CARS2: variants seen among roughly 807,000 people sequenced by gnomAD.
CARS2 encodes probable cysteine--tRNA ligase, mitochondrial.
CARS2 carries 52 observed loss-of-function variants against 68.8 expected under a neutral mutation model. The observed-to-expected ratio is 0.76, with a 90% CI of 0.61 to 0.95. The LOEUF (loss-of-function observed/expected upper bound fraction) is 0.95, where lower values mean the gene tolerates loss of function less well. Among genes scored for constraint, CARS2 ranks in the 40% least tolerant of loss-of-function variants. The pLI, the probability that CARS2 is intolerant of heterozygous loss-of-function variation, is 0.00. For synonymous variants in CARS2, 314 were observed against 303.6 expected, an observed-to-expected ratio of 1.03 and a Z score of -0.36; for missense variants, 780 against 754.2, an observed-to-expected ratio of 1.03 and a Z score of -0.40.
Position 110,667,427 on chromosome 13 carries a change from A to C in CARS2, c.832T>G (p.Leu278Val). The change falls in exon 8 of 15, where the codon TTA (leucine) becomes GTA (valine). Residue 278 changes from leucine (L) to valine (V), a missense_variant. Physicochemically the swap from Leu to Val is conservative, Grantham distance 32 (BLOSUM62 1). Coordinates refer to ENST00000257347, the MANE Select transcript of CARS2 (RefSeq NM_024537.4). ...QLDIHSGGID[L>V]AFPHHENEIA... is the part of the protein sequence containing the mutation. Reference sequence around the variant, plus strand: ...TCGTTTTCATGATGTGGAAAAGCTAAATCTATCCCACCTGAATGGATATCC... The same window carrying C: ...TCGTTTTCATGATGTGGAAAAGCTACATCTATCCCACCTGAATGGATATCC... The C allele has an allele frequency of 6.2e-7, 1 of 1,613,748 alleles. No homozygotes were observed. The highest frequency in any genetic ancestry group is 8.5e-7 in the Non-Finnish European group (1 of 1,179,660).
intron 9 of CARS2, among the ~76,000 whole-genome samples, chr13:110,654,921 C>CAAAAAAA (rs34662096): frequency 1.2e-5 from 1 of 83,826 alleles, no homozygotes; most frequent in Middle Eastern, 5.6e-3. Context: ...AACCCTCTCT[C>CAAAAAAA]AAAAAAAAAA....
chr13:110,660,306 A>G (rs393029), intron 9 of CARS2, among the ~76,000 whole-genome samples: 42,985 of 151,994 alleles, frequency 0.28, 6,782 homozygotes, highest in African/African-American at 0.39. Flanking sequence ...GTTGGACTTA[A>G]CTTCTTTCAA....
chr13:110,712,792 G>A (rs1160277306), intron 1 of CARS2: 5 of 733,570 alleles, frequency 6.8e-6, no homozygotes, highest in African/African-American at 3.5e-5. Context: ...TAGGGAAGGC[G>A]CCCCTCGGGC....
At chr13:110,707,791 T>C (rs941444674), upstream of CARS2, 1 of 152,246 alleles carries the variant, frequency 6.6e-6, no homozygotes, top group Non-Finnish European at 1.5e-5. Context: ...TGGTGTTTTA[T>C]TAAAAAGCAA....
chr13:110,689,375 T>C (rs976397830), intron 3 of CARS2, among the ~76,000 whole-genome samples: 1 of 152,192 alleles, frequency 6.6e-6, no homozygotes, highest in South Asian at 2.1e-4. Flanking sequence ...TCTAGAATAC[T>C]GAGAAACTTT....
chr13:110,701,562 G>A lies in CARS2; in HGVS notation c.276-7C>T, dbSNP rs1594421467. ...ATCAAATCTAACATATGAGCTGAAA[G>A]AAAAAAAGTGTCAGGATGTCTTTAT... On this transcript the variant is annotated splice_polypyrimidine_tract_variant and splice_region_variant and intron_variant, in intron 2 of 14. Transcript: ENST00000257347. 3.6e-5 allele frequency: 44 copies of A among 1,231,146 alleles called. No individual in the cohort carries two copies. The highest frequency in any genetic ancestry group is 3.8e-4 in the Middle Eastern group (2 of 5,262). 76.3% of individuals were successfully genotyped at this position (1,231,146 alleles called of 1,614,324 possible).
At position 110,642,629 on chromosome 13, in the gene CARS2, T is replaced by TCCCTG. The variant is rs771396401; in HGVS notation, c.1417-113_1417-109dup. ...GCCGACACCCACCCAGCCCTGGGCT[T>TCCCTG]CCCTGATTCCCTGCAGCTGGGCCTC... On this transcript the variant is annotated intron_variant, in intron 13 of 14. Coordinates refer to ENST00000257347, the MANE Select transcript of CARS2 (RefSeq NM_024537.4). The TCCCTG allele has an allele frequency of 8.8e-6, 9 of 1,027,370 alleles. No individual in the cohort carries two copies. In the Admixed American group the frequency reaches 1.5e-4, roughly 17 times the overall value. 63.6% of individuals were successfully genotyped at this position (1,027,370 alleles called of 1,614,324 possible).
intron 11 of CARS2, chr13:110,646,753 C>T: frequency 4.2e-6 from 1 of 235,554 alleles, no homozygotes; most frequent in Non-Finnish European, 8.3e-6. Context: ...AGCCCGAGGG[C>T]CCCAGGCACA....
At chr13:110,660,522 T>A (rs430309) in intron 9 of CARS2, among the ~76,000 whole-genome samples, 87 of 152,308 alleles carry the variant, frequency 5.7e-4, no homozygotes, top group African/African-American at 2.0e-3. Flanking sequence ...CCTTGATCAA[T>A]GGGCTGCAGA....
rs1594215897 is a variant in CARS2 at position 110,645,890 on chromosome 13, CATG to C, written c.1317+74_1317+76del. The C allele has an allele frequency of 2.6e-6, 4 of 1,538,244 alleles. No individual in the cohort carries two copies. In the East Asian group the frequency reaches 9.5e-5, roughly 36 times the overall value. On this transcript the variant is annotated intron_variant, in intron 12 of 14. Transcript: ENST00000257347. The stretch of plus-strand genomic sequence containing the variant: ...ATCAGCAGAGATGCCACCCAGCCGA[CATG>C]AGAAAAACCCACCAGAGGACCCGAC...
At chr13:110,644,510 C>A in intron 12 of CARS2, 27 bp from the exon 13 acceptor site, 1 of 1,613,190 alleles carries the variant, frequency 6.2e-7, no homozygotes, top group Non-Finnish European at 8.5e-7. Context: ...CGCAGAAGCT[C>A]CTTAAAAGCA....
chr13:110,706,129 G>C (rs867031735), upstream of CARS2: 33 of 1,279,728 alleles, frequency 2.6e-5, no homozygotes, highest in Middle Eastern at 1.5e-3. Flanking sequence ...GCGGAGACGG[G>C]AGCCACGCCG....
chr13:110,705,410 G>A lies in CARS2; in HGVS notation c.275+111C>T, dbSNP rs2063911321. 1.4e-6 allele frequency: 1 copy of A among 724,770 alleles called. No individual in the cohort carries two copies. Among genetic ancestry groups the A allele is most frequent in the East Asian group, 2.7e-5 (1 of 37,708 alleles). 44.9% of individuals were successfully genotyped at this position (724,770 alleles called of 1,614,324 possible). The stretch of plus-strand genomic sequence containing the variant: ...ATTTCCCACAATGCCTGGAATGTAG[G>A]AATTATTCTGCATCCCTAAGTTGCC... On this transcript the variant is annotated intron_variant, in intron 2 of 14. Coordinates refer to ENST00000257347, the MANE Select transcript of CARS2 (RefSeq NM_024537.4). This position sits in a 1 kb window ranked among gnomAD's most constrained non-coding sequence, Gnocchi z 4.0.
chr13:110,653,176 G>T lies in CARS2; in HGVS notation c.988-2076C>A, dbSNP rs1417622233. Among the ~76,000 whole-genome samples, 2 of 121,912 alleles carry T rather than the reference G, an allele frequency of 1.6e-5. No individual in the cohort carries two copies. Among genetic ancestry groups the T allele is most frequent in the African/African-American group, 7.4e-5 (2 of 27,150 alleles). 80.0% of individuals were successfully genotyped at this position (121,912 alleles called of 152,430 possible). A position where few individuals can be genotyped will look rare whatever the true frequency, so the allele number is the denominator to read the frequency against. On this transcript the variant is annotated intron_variant, in intron 9 of 14. Coordinates refer to ENST00000257347, the MANE Select transcript of CARS2 (RefSeq NM_024537.4). The surrounding 1 kb of genome is among the most constrained non-coding windows in gnomAD (Gnocchi z 5.6). Reference sequence around the variant, plus strand: ...CTTCACCAGGCTGCCACAGGGGCCTGGGGTGGGGAGGGGGGCTGGGGTATG... The same window carrying T: ...CTTCACCAGGCTGCCACAGGGGCCTTGGGTGGGGAGGGGGGCTGGGGTATG...
At chr13:110,712,615 A>G (rs1594447761) in intron 1 of CARS2, 6 of 416,244 alleles carry the variant, frequency 1.4e-5, no homozygotes, top group South Asian at 2.3e-5. Context: ...AAAATCCGGG[A>G]GCTTTGGGAG....
chr13:110,692,896 G>T (rs1038479881), intron 3 of CARS2, among the ~76,000 whole-genome samples: 1 of 151,834 alleles, frequency 6.6e-6, no homozygotes. Flanking sequence ...CAGATCATGA[G>T]GTCAGGAGTT....
intron 13 of CARS2, 25 bp from the exon 14 acceptor site, chr13:110,642,546 G>A (rs779023166): frequency 3.1e-5 from 50 of 1,599,500 alleles, no homozygotes; most frequent in South Asian, 7.8e-5. Context: ...GCGCGGTTAC[G>A]TCCCCCGGAG....
chr13:110,673,273 A>T (rs1594316259), intron 7 of CARS2, among the ~76,000 whole-genome samples: 1 of 152,252 alleles, frequency 6.6e-6, no homozygotes, highest in Non-Finnish European at 1.5e-5. Context: ...GGAGAATTTT[A>T]GACCAATAGC....
rs79644851 is a variant in CARS2, at chr13:110,678,712, C to T, written c.656-1609G>A. On this transcript the variant is annotated intron_variant, in intron 6 of 14. Coordinates refer to ENST00000257347, the MANE Select transcript of CARS2 (RefSeq NM_024537.4). Reference sequence around the variant, plus strand: ...GCCAAACTGACTTTGAAGTAGAAGGCAGCACACTGTCATCCACAGGCACAA... The same window carrying T: ...GCCAAACTGACTTTGAAGTAGAAGGTAGCACACTGTCATCCACAGGCACAA... Among the ~76,000 whole-genome samples, 108 of 152,324 alleles carry T rather than the reference C, an allele frequency of 7.1e-4. 2 individuals are homozygous for T. In the East Asian group the frequency reaches 0.02, roughly 28 times the overall value.
Sources: allele counts gnomAD v4.1 joint callset (sites outside exome capture counted in the v4.1 genomes callset), GRCh38; gene constraint gnomAD v4.1.1; non-coding constraint Gnocchi (gnomAD v3.1); transcripts MANE v1.5; gene names NCBI Gene and HGNC (gene_info 2026-07-23, HGNC 2026-07-21).